The following UTRN variants were observed in gnomAD, a reference collection of about 807,000 sequenced individuals.
UTRN encodes dystrophin-related protein 1.
UTRN carries 283 observed loss-of-function variants against 463.9 expected under a neutral mutation model. The observed-to-expected ratio is 0.61, with a 90% CI of 0.55 to 0.67. The LOEUF (loss-of-function observed/expected upper bound fraction) is 0.67. Ranked by LOEUF, UTRN falls within the 30% of genes least tolerant of loss-of-function variation. The probability of loss-of-function intolerance (pLI) is 0.00; values close to 1 mark genes in which losing one functional copy is unlikely to be tolerated. For synonymous variants in UTRN, 1,442 were observed against 1,431.5 expected (o/e 1.01, Z -0.17); for missense variants, 3,922 against 4,084.3 (o/e 0.96, Z 1.08).
At chr6:144,437,792 G>T in intron 11 of UTRN, 46 bp downstream of exon 11, 1 of 1,568,760 alleles carries the variant, frequency 6.4e-7, no homozygotes, top group Non-Finnish European at 8.6e-7. Context: ...AGGCTGCTTT[G>T]CACAGTTGAG....
chr6:144,469,737 G>A (rs1199577851), intron 23 of UTRN, among the ~76,000 whole-genome samples: 1 of 128,258 alleles, frequency 7.8e-6, no homozygotes, highest in Non-Finnish European at 1.6e-5. Flanking sequence ...TCATTTTTGG[G>A]TGTTTCTCGG....
chr6:144,451,462 A>G lies in UTRN; in HGVS notation c.2165A>G (p.Gln722Arg). ...TTEIKEYMKM[Q>R]DTSEMKKKLK... is the part of the protein sequence containing the mutation. ...GAGATAAAAGAGTATATGAAGATGCAAGACACTTCCGAAATGAAAAAGAAG... is the reference window on the plus strand; with the variant it reads ...GAGATAAAAGAGTATATGAAGATGCGAGACACTTCCGAAATGAAAAAGAAG... The change falls in exon 18 of 75, where the codon CAA becomes CGA. Residue 722 changes from glutamine to arginine, a missense_variant. Coordinates refer to ENST00000367545, the MANE Select transcript of UTRN (RefSeq NM_007124.3). 3 of 1,611,950 alleles carry G rather than the reference A, an allele frequency of 1.9e-6. No homozygotes were observed. The highest frequency in any genetic ancestry group is 1.3e-5 in the African/African-American group (1 of 74,842).
intron 56 of UTRN, among the ~76,000 whole-genome samples, 166 bp from the exon 57 acceptor site, chr6:144,754,554 C>A (rs1791773169): frequency 4.5e-5 from 5 of 110,348 alleles, no homozygotes; most frequent in East Asian, 7.3e-4. Flanking sequence ...TTTTTTTTTA[C>A]CATTACTCTG....
chr6:144,355,459 A>G (rs1414439835), intron 2 of UTRN, among the ~76,000 whole-genome samples: 1 of 152,130 alleles, frequency 6.6e-6, no homozygotes, highest in African/African-American at 2.4e-5. Flanking sequence ...TCTGCTTCCC[A>G]AAGTGCTGGG....
chr6:144,499,192 A>T, intron 33 of UTRN, 65 bp from the exon 34 acceptor site: 2 of 1,510,056 alleles, frequency 1.3e-6, no homozygotes, highest in African/African-American at 1.4e-5. Context: ...TAACATTCTG[A>T]TTCATTCTCA....
In UTRN at chr6:144,635,523, T is replaced by C. The variant is rs866048054; in HGVS notation, c.7480-42883T>C. Among the ~76,000 whole-genome samples, 446 of 77,494 alleles carry C rather than the reference T, an allele frequency of 5.8e-3. 10 individuals carry two copies. Among genetic ancestry groups the C allele is most frequent in the South Asian group, 0.012 (24 of 2,010 alleles). The allele number at this position is 77,494 out of a possible 152,430, so 50.8% of individuals were successfully genotyped here. ...GCTAGCCTTTTTTTTTCTTTTTTTT[T>C]TTTTTTCTTTTCTTTTTTTTTTTTT... is the stretch of plus-strand genomic sequence containing the variant. On this transcript the variant is annotated intron_variant, in intron 51 of 74. Coordinates refer to ENST00000367545, the MANE Select transcript of UTRN (RefSeq NM_007124.3).
At chr6:144,450,707 G>C (rs1788188200) in intron 17 of UTRN, among the ~76,000 whole-genome samples, 1 of 152,174 alleles carries the variant, frequency 6.6e-6, no homozygotes, top group Admixed American at 6.5e-5. Context: ...GTTAACTTTA[G>C]TAATGTCTGT....
At chr6:144,796,971 T>C (rs1476922518) in intron 63 of UTRN, among the ~76,000 whole-genome samples, 1 of 152,196 alleles carries the variant, frequency 6.6e-6, no homozygotes, top group Non-Finnish European at 1.5e-5. Context: ...GGAAAATTAC[T>C]TAGTATTGGG....
chr6:144,546,028 G>A (rs777564889), intron 46 of UTRN, among the ~76,000 whole-genome samples: 25 of 152,224 alleles, frequency 1.6e-4, no homozygotes, highest in Non-Finnish European at 2.8e-4. Context: ...TGCCTGCAGC[G>A]TCTAGAATAG....
intron 74 of UTRN, among the ~76,000 whole-genome samples, chr6:144,847,254 C>G (rs1782100382): frequency 6.6e-6 from 1 of 152,090 alleles, no homozygotes; most frequent in South Asian, 2.1e-4. Context: ...TTGCTGAGAA[C>G]TGTTGGCAGC....
At chr6:144,633,612 T>TA (rs1776779561) in intron 51 of UTRN, among the ~76,000 whole-genome samples, 1 of 152,222 alleles carries the variant, frequency 6.6e-6, no homozygotes, top group Non-Finnish European at 1.5e-5. Context: ...GTGAGTACAT[T>TA]ATCTCAGTGA....
chr6:144,528,787 A>G (rs1232060099), intron 41 of UTRN, among the ~76,000 whole-genome samples: 1 of 152,274 alleles, frequency 6.6e-6, no homozygotes, highest in Non-Finnish European at 1.5e-5. Flanking sequence ...GCCCCCAGCC[A>G]GGAGATGGTG....
chr6:144,598,560 G>A (rs1190664234), intron 51 of UTRN, among the ~76,000 whole-genome samples: 1 of 152,110 alleles, frequency 6.6e-6, no homozygotes, highest in Non-Finnish European at 1.5e-5. Flanking sequence ...AAAGGGAAGG[G>A]GATTCTCTAT....
At chr6:144,371,751 G>A (rs1323890148) in intron 2 of UTRN, among the ~76,000 whole-genome samples, 1 of 152,166 alleles carries the variant, frequency 6.6e-6, no homozygotes, top group Non-Finnish European at 1.5e-5. Context: ...GCAGAAATAA[G>A]GGTAGAAGAA....
At chr6:144,603,930 T>C (rs9497014) in intron 51 of UTRN, among the ~76,000 whole-genome samples, 1,662 of 152,304 alleles carry the variant, frequency 0.011, 25 homozygotes, top group African/African-American at 0.038. Context: ...CCTCATATGA[T>C]TTCCATCAAA....
At chr6:144,640,854 T>C (rs1777691442) in intron 51 of UTRN, among the ~76,000 whole-genome samples, 1 of 152,174 alleles carries the variant, frequency 6.6e-6, no homozygotes, top group Non-Finnish European at 1.5e-5. Flanking sequence ...ATGCCAGCAG[T>C]CTTTTGGTTA....
At chr6:144,468,994 G>A (rs1584908087) in intron 23 of UTRN, among the ~76,000 whole-genome samples, 3 of 152,288 alleles carry the variant, frequency 2.0e-5, no homozygotes, top group East Asian at 1.9e-4. Flanking sequence ...CCCTTCCCGC[G>A]CGGTGTGCCA....
At chr6:144,633,227 CTT>C (rs34812473) in intron 51 of UTRN, among the ~76,000 whole-genome samples, 2 of 131,696 alleles carry the variant, frequency 1.5e-5, no homozygotes, top group Non-Finnish European at 3.1e-5. Context: ...ACTACTTCTC[CTT>C]TTTTTTTTTT....
chr6:144,408,702 T>G (rs927832090), intron 3 of UTRN, among the ~76,000 whole-genome samples: 1 of 152,246 alleles, frequency 6.6e-6, no homozygotes, highest in African/African-American at 2.4e-5. Flanking sequence ...GCTATTAAGA[T>G]GTTTTCCTTT....
Sources: allele counts gnomAD v4.1 joint callset (sites outside exome capture counted in the v4.1 genomes callset), GRCh38; gene constraint gnomAD v4.1.1; transcripts MANE v1.5; gene names NCBI Gene and HGNC (gene_info 2026-07-23, HGNC 2026-07-21).